CLEC5A: variants seen among roughly 807,000 people sequenced by gnomAD.
CLEC5A encodes C-type lectin domain containing 5A, also known as C-type lectin domain family 5 member A.
In CLEC5A, 15 loss-of-function variants were observed where a neutral mutation model predicts 24.4. The observed-to-expected ratio is 0.62, with a 90% CI of 0.41 to 0.95. The LOEUF (loss-of-function observed/expected upper bound fraction) is 0.95, where lower values mean the gene tolerates loss of function less well. Ranked by LOEUF, CLEC5A falls within the 40% of genes least tolerant of loss-of-function variation. The pLI is 0.00. For synonymous variants in CLEC5A, 71 were observed against 72.6 expected (o/e 0.98, Z 0.11); for missense variants, 211 against 224.0 (o/e 0.94, Z 0.37).
chr7:141,943,747 A>T, intron 4 of CLEC5A, 149 bp downstream of exon 4: 1 of 630,004 alleles, frequency 1.6e-6, no homozygotes, highest in Non-Finnish European at 2.9e-6. Flanking sequence ...AAGCCAAAAT[A>T]ATATGTACAA....
rs1373217518 is a variant in CLEC5A at position 141,928,223 on chromosome 7, C to T, written c.*1881G>A. 1 of 152,574 alleles carries T rather than the reference C, an allele frequency of 6.6e-6. No homozygotes were observed. The allele number at this position is 152,574 out of a possible 1,614,324, so 9.5% of individuals were successfully genotyped here. The stretch of plus-strand genomic sequence containing the variant: ...CAGGCCATTGGGCTCCTTTTAGAAC[C>T]TGCACAGAAGTGTCTCCTAATCTTG... On this transcript the variant is annotated 3_prime_UTR_variant, in exon 7 of 7. Transcript: ENST00000546910.
chr7:141,943,844 C>T, intron 4 of CLEC5A, 52 bp downstream of exon 4: 1 of 1,207,142 alleles, frequency 8.3e-7, no homozygotes, highest in Non-Finnish European at 1.2e-6. Flanking sequence ...TCTAAGAATT[C>T]AGTGCATGAG....
chr7:141,942,670 C>A (rs1044402101), intron 4 of CLEC5A, among the ~76,000 whole-genome samples: 3 of 151,920 alleles, frequency 2.0e-5, no homozygotes, highest in Non-Finnish European at 4.4e-5. Context: ...GTTTGAAAAC[C>A]ACCCATTTGA....
chr7:141,934,843 C>A (rs1554440865), intron 5 of CLEC5A, among the ~76,000 whole-genome samples: 1 of 151,876 alleles, frequency 6.6e-6, no homozygotes, highest in Non-Finnish European at 1.5e-5. Flanking sequence ...GTAGTGATGA[C>A]CTTTTTCATC....
At chr7:141,939,712 C>T (rs1221186400) in intron 4 of CLEC5A, among the ~76,000 whole-genome samples, 12 of 152,038 alleles carry the variant, frequency 7.9e-5, no homozygotes, top group Non-Finnish European at 1.5e-5. Context: ...TATAAAGACA[C>T]ATGCAGACTA....
At chr7:141,939,587 A>G (rs1802725377) in intron 4 of CLEC5A, among the ~76,000 whole-genome samples, 1 of 152,134 alleles carries the variant, frequency 6.6e-6, no homozygotes, top group South Asian at 2.1e-4. Flanking sequence ...CTTACTTATT[A>G]ATAATAATAT....
chr7:141,931,648 A>G, intron 6 of CLEC5A, 72 bp downstream of exon 6: 1 of 835,604 alleles, frequency 1.2e-6, no homozygotes, highest in Non-Finnish European at 2.1e-6. Context: ...TTCCAGGGTG[A>G]ACCCAGCAAT....
chr7:141,941,634 A>C (rs1554441669), intron 4 of CLEC5A, among the ~76,000 whole-genome samples: 2 of 152,166 alleles, frequency 1.3e-5, no homozygotes, highest in Non-Finnish European at 2.9e-5. Context: ...GGATGAAGTC[A>C]ATTTATCCTT....
At chr7:141,934,221 G>T (rs1802549351) in intron 5 of CLEC5A, among the ~76,000 whole-genome samples, 1 of 152,212 alleles carries the variant, frequency 6.6e-6, no homozygotes, top group African/African-American at 2.4e-5. Flanking sequence ...GAGGAGGATA[G>T]CTAGAAAGAG....
At position 141,946,804 on chromosome 7, in the gene CLEC5A, C is replaced by T. The variant is rs559291727; in HGVS notation, c.-21+3G>A. The T allele has an allele frequency of 1.3e-5, 2 of 152,710 alleles. No homozygotes were observed. The highest frequency in any genetic ancestry group is 4.8e-5 in the African/African-American group (2 of 41,580). The allele number at this position is 152,710 out of a possible 1,614,324, so 9.5% of individuals were successfully genotyped here. On this transcript the variant is annotated splice_donor_region_variant and intron_variant, in intron 1 of 6. Transcript: ENST00000546910. ...TGCAGCCAAGACAGACAGACAGACT[C>T]ACCTCTTTCTCCCTGGAAGGCTAGG... is the stretch of plus-strand genomic sequence containing the variant.
chr7:141,934,897 G>T (rs1330328166), intron 5 of CLEC5A, among the ~76,000 whole-genome samples: 2 of 152,024 alleles, frequency 1.3e-5, no homozygotes, highest in African/African-American at 4.8e-5. Context: ...AAGCAAATTG[G>T]GATCCACAAA....
intron 1 of CLEC5A, among the ~76,000 whole-genome samples, 184 bp from the exon 2 acceptor site, chr7:141,946,496 T>C (rs1802962571): frequency 6.6e-6 from 1 of 152,168 alleles, no homozygotes; most frequent in African/African-American, 2.4e-5. Context: ...CATGTATTGA[T>C]TGGAGCCTTG....
chr7:141,931,927 G>A (rs1025761712), intron 5 of CLEC5A, 101 bp from the exon 6 acceptor site: 15 of 597,760 alleles, frequency 2.5e-5, no homozygotes, highest in South Asian at 1.5e-4. Flanking sequence ...AAGGAAGGCC[G>A]GTAGAGAACT....
chr7:141,930,455 T>C (rs1802426400), intron 6 of CLEC5A, among the ~76,000 whole-genome samples: 1 of 152,222 alleles, frequency 6.6e-6, no homozygotes, highest in African/African-American at 2.4e-5. Flanking sequence ...CACCCTTTCC[T>C]GTCAGCTCTC....
At chr7:141,942,806 G>A (rs1282541965) in intron 4 of CLEC5A, among the ~76,000 whole-genome samples, 1 of 152,026 alleles carries the variant, frequency 6.6e-6, no homozygotes, top group Non-Finnish European at 1.5e-5. Flanking sequence ...TGTACAAATG[G>A]CAAATAGAAA....
intron 2 of CLEC5A, chr7:141,945,987 A>G (rs902128400): frequency 3.7e-5 from 19 of 516,862 alleles, no homozygotes; most frequent in African/African-American, 3.1e-4. Flanking sequence ...CGTTCTAACC[A>G]TCAGAAACTG....
chr7:141,944,010 C>G, intron 3 of CLEC5A, 46 bp from the exon 4 acceptor site: 2 of 1,145,272 alleles, frequency 1.7e-6, no homozygotes, highest in East Asian at 4.7e-5. Context: ...ATGAATACAA[C>G]ACAGAAACAG....
chr7:141,944,853 CA>C (rs1802905897), intron 3 of CLEC5A, among the ~76,000 whole-genome samples: 1 of 152,166 alleles, frequency 6.6e-6, no homozygotes, highest in African/African-American at 2.4e-5. Context: ...CTTAAGGACT[CA>C]ATACATATTT....
At position 141,931,716 on chromosome 7, in the gene CLEC5A, G is replaced by A. The variant is rs78381987; in HGVS notation, c.452+4C>T. On this transcript the variant is annotated splice_donor_region_variant and intron_variant, in intron 6 of 6. Transcript: ENST00000546910. ...CCCCAGGAAACTGTGGCATGTTCACGTACTTGCCATTGAACACAGAGTTGT... is the reference window on the plus strand; with the variant it reads ...CCCCAGGAAACTGTGGCATGTTCACATACTTGCCATTGAACACAGAGTTGT... 4.4e-3 allele frequency: 6,545 copies of A among 1,480,330 alleles called. 255 individuals carry two copies. In the African/African-American group the frequency reaches 0.08, roughly 18 times the overall value. The allele number at this position is 1,480,330 out of a possible 1,614,324, so 91.7% of individuals were successfully genotyped here. A position where few individuals can be genotyped will look rare whatever the true frequency, so the allele number is the denominator to read the frequency against.
Sources: gnomAD v4.1 joint callset for allele counts (sites outside exome capture counted in the v4.1 genomes callset) on GRCh38, gnomAD v4.1.1 for gene constraint, MANE v1.5 for transcripts, NCBI Gene and HGNC (gene_info 2026-07-23, HGNC 2026-07-21) for gene names.